The following PTPN3 variants were observed in gnomAD, a reference collection of about 807,000 sequenced individuals.
The protein encoded by PTPN3 is tyrosine-protein phosphatase non-receptor type 3.
PTPN3 carries 96 observed loss-of-function variants against 132.7 expected under a neutral mutation model. The ratio of observed to expected loss-of-function variants is 0.72; its 90% confidence interval spans 0.61 to 0.86. The LOEUF is 0.86. Ranked by LOEUF, PTPN3 falls within the 40% of genes least tolerant of loss-of-function variation. The probability of loss-of-function intolerance (pLI) is 0.00; values close to 1 mark genes in which losing one functional copy is unlikely to be tolerated. For synonymous variants in PTPN3, 398 were observed against 429.0 expected (o/e 0.93, Z 0.89); for missense variants, 1,125 against 1,159.6 (o/e 0.97, Z 0.43).
intron 5 of PTPN3, chr9:109,451,179 AG>A: frequency 1.0e-6 from 1 of 962,496 alleles, no homozygotes; most frequent in Non-Finnish European, 1.2e-6. Context: ...CTTTGAGTCC[AG>A]GAGTTTGAGG....
At chr9:109,479,023 T>A (rs548192960) in intron 1 of PTPN3, among the ~76,000 whole-genome samples, 7 of 152,194 alleles carry the variant, frequency 4.6e-5, no homozygotes, top group East Asian at 1.9e-4. Flanking sequence ...TTTTTTTTTT[T>A]AATTGTAAAA....
intron 4 of PTPN3, among the ~76,000 whole-genome samples, chr9:109,456,308 T>C (rs1845562288): frequency 6.6e-6 from 1 of 152,212 alleles, no homozygotes. Context: ...CTCAAGGAAC[T>C]TGCAGTTCTG....
At chr9:109,391,081 T>C (rs1840039768) in intron 21 of PTPN3, 57 bp downstream of exon 21, 1 of 1,509,010 alleles carries the variant, frequency 6.6e-7, no homozygotes, top group Non-Finnish European at 9.2e-7. Flanking sequence ...CAGGCCCTCA[T>C]CATCGTTGCG....
upstream of PTPN3, among the ~76,000 whole-genome samples, chr9:109,499,788 C>A (rs117533884): frequency 6.6e-6 from 1 of 152,138 alleles, no homozygotes; most frequent in Non-Finnish European, 1.5e-5. Context: ...GGGTGCCGCC[C>A]GTGCATCGCG....
At chr9:109,395,818 C>A (rs1459662026) in intron 19 of PTPN3, among the ~76,000 whole-genome samples, 2 of 148,490 alleles carry the variant, frequency 1.3e-5, no homozygotes, top group Non-Finnish European at 3.0e-5. Context: ...GTCTCTCTCT[C>A]TCTATATATA....
chr9:109,503,731 T>C, the PTPN3 span, among the ~76,000 whole-genome samples: 1 of 152,094 alleles, frequency 6.6e-6, no homozygotes, highest in Non-Finnish European at 1.5e-5. Context: ...AAAAAAGTCT[T>C]TCCTCTGCAA....
At chr9:109,426,923 T>A in intron 12 of PTPN3, 27 bp downstream of exon 12, 1 of 1,581,818 alleles carries the variant, frequency 6.3e-7, no homozygotes, top group Non-Finnish European at 8.7e-7. Flanking sequence ...CAGCCTAGTG[T>A]GGACACAGTC....
At chr9:109,391,267 T>G (rs1169920956) in intron 20 of PTPN3, 68 bp from the exon 21 acceptor site, 2 of 1,479,222 alleles carry the variant, frequency 1.4e-6, no homozygotes, top group Non-Finnish European at 1.9e-6. Context: ...TAAACCAGAG[T>G]TCAGTTCCCA....
At chr9:109,449,872 G>C in intron 5 of PTPN3, 1 of 985,356 alleles carries the variant, frequency 1.0e-6, no homozygotes, top group Non-Finnish European at 1.2e-6. Flanking sequence ...TTTGAGATGG[G>C]AATGCTTCAA....
intron 12 of PTPN3, among the ~76,000 whole-genome samples, chr9:109,423,866 C>T (rs1843054744): frequency 1.3e-5 from 2 of 152,180 alleles, no homozygotes; most frequent in Admixed American, 1.3e-4. Context: ...TGTGACATGA[C>T]ATCAACCAAC....
chr9:109,407,019 A>G (rs2131735770), intron 17 of PTPN3, among the ~76,000 whole-genome samples: 1 of 152,338 alleles, frequency 6.6e-6, no homozygotes, highest in East Asian at 1.9e-4. Flanking sequence ...AGCTTTTGTA[A>G]GCTTCACAAC....
At position 109,406,507 on chromosome 9, in the gene PTPN3, G is replaced by A. The variant is rs1465045994; in HGVS notation, c.1747C>T (p.Arg583Trp). The stretch of plus-strand genomic sequence containing the variant: ...GCCAGCTCCCGTGAGTGGGACTCCC[G>A]GCTGGCTTTGATGAACATCACCACT... ...DQVVMFIKAS[R>W]ESHSRELALV... is the part of the protein sequence containing the mutation. The change falls in exon 18 of 26, where the codon CGG becomes TGG. Residue 583 changes from arginine to tryptophan, a missense_variant. Transcript: ENST00000374541. 3.1e-6 allele frequency: 5 copies of A among 1,614,110 alleles called. No homozygotes were observed. Among genetic ancestry groups the A allele is most frequent in the South Asian group, 1.1e-5 (1 of 91,060 alleles).
chr9:109,416,527 C>A (rs951337707), intron 14 of PTPN3, among the ~76,000 whole-genome samples: 3 of 151,376 alleles, frequency 2.0e-5, no homozygotes, highest in African/African-American at 4.9e-5. Flanking sequence ...CTCACTGCAG[C>A]CTCGACCTCC....
chr9:109,532,710 A>C, the PTPN3 span: 1 of 264,772 alleles, frequency 3.8e-6, no homozygotes, highest in Non-Finnish European at 7.2e-6. Context: ...GTCAATGGGC[A>C]AAAAGCAAGC....
At chr9:109,392,301 C>T (rs1460611392) in intron 19 of PTPN3, among the ~76,000 whole-genome samples, 2 of 152,030 alleles carry the variant, frequency 1.3e-5, no homozygotes, top group Non-Finnish European at 2.9e-5. Context: ...ACTGCTTTTT[C>T]CCTTTAATCC....
At chr9:109,474,622 G>GC (rs1368210804) in intron 1 of PTPN3, among the ~76,000 whole-genome samples, 1 of 152,090 alleles carries the variant, frequency 6.6e-6, no homozygotes, top group African/African-American at 2.4e-5. Flanking sequence ...TGCAAAGGTT[G>GC]GGGGGGAAAA....
chr9:109,469,277 A>AG (rs1846253234), intron 1 of PTPN3, among the ~76,000 whole-genome samples: 1 of 152,216 alleles, frequency 6.6e-6, no homozygotes. Context: ...CAAAGAAGGG[A>AG]GAGGAACACA....
the PTPN3 span, among the ~76,000 whole-genome samples, chr9:109,523,351 T>C: frequency 9.2e-5 from 14 of 152,174 alleles, no homozygotes; most frequent in Non-Finnish European, 1.8e-4. Flanking sequence ...CTTGACCTTG[T>C]GGTCCGCCTG....
At chr9:109,386,698 G>A (rs978807752) in intron 22 of PTPN3, among the ~76,000 whole-genome samples, 3 of 152,132 alleles carry the variant, frequency 2.0e-5, no homozygotes, top group Admixed American at 1.3e-4. Flanking sequence ...CCCAGGGAAC[G>A]ACAGACAGTA....
Sources: gnomAD v4.1 joint callset for allele counts (sites outside exome capture counted in the v4.1 genomes callset) on GRCh38, gnomAD v4.1.1 for gene constraint, MANE v1.5 for transcripts, NCBI Gene and HGNC (gene_info 2026-07-23, HGNC 2026-07-21) for gene names.